The following LIMCH1 variants were observed in gnomAD, a reference collection of about 807,000 sequenced individuals.
The protein encoded by LIMCH1 is LIM and calponin homology domains 1.
LIMCH1 carries 113 observed loss-of-function variants against 176.5 expected under a neutral mutation model. The ratio of observed to expected loss-of-function variants is 0.64; its 90% CI spans 0.55 to 0.75. The LOEUF is 0.75. Among genes scored for constraint, LIMCH1 ranks in the 30% least tolerant of loss-of-function variants. LIMCH1 has a pLI of 0.00. For missense variants in LIMCH1, 1,674 were observed against 1,814.9 expected (o/e 0.92, Z 1.41); for synonymous variants, 619 against 645.9 (o/e 0.96, Z 0.63).
intron 1 of LIMCH1, among the ~76,000 whole-genome samples, chr4:41,432,015 C>T (rs1405507058): frequency 6.6e-6 from 1 of 152,190 alleles, no homozygotes; most frequent in Non-Finnish European, 1.5e-5. Flanking sequence ...ATGACTATTA[C>T]TTGCACATTG....
At chr4:41,579,327 A>G (rs1323899779) in intron 1 of LIMCH1, among the ~76,000 whole-genome samples, 2 of 152,178 alleles carry the variant, frequency 1.3e-5, no homozygotes, top group East Asian at 1.9e-4. Flanking sequence ...ACCACTTCTG[A>G]TCCTTACGCA....
At chr4:41,502,999 G>GTCTGTCCATCCATCCATCCATCCA (rs1554075692) in intron 2 of LIMCH1, among the ~76,000 whole-genome samples, 8 of 138,416 alleles carry the variant, frequency 5.8e-5, no homozygotes, top group African/African-American at 2.3e-4. Flanking sequence ...TGGTCTGTCT[G>GTCTGTCCATCCATCCATCCATCCA]TCCATCCATC....
intron 1 of LIMCH1, among the ~76,000 whole-genome samples, chr4:41,545,499 A>C (rs926374052): frequency 1.1e-4 from 17 of 152,316 alleles, no homozygotes; most frequent in African/African-American, 4.1e-4. Context: ...GCTTTGCTAG[A>C]AAATCACAGC....
intron 1 of LIMCH1, among the ~76,000 whole-genome samples, chr4:41,542,582 AT>A (rs1037580142): frequency 2.6e-5 from 4 of 152,186 alleles, no homozygotes; most frequent in African/African-American, 7.2e-5. Context: ...TTGTTTCTTG[AT>A]TTTTTTGCCT....
intron 1 of LIMCH1, among the ~76,000 whole-genome samples, chr4:41,411,483 A>G (rs926216652): frequency 1.3e-5 from 2 of 152,102 alleles, no homozygotes; most frequent in Admixed American, 6.5e-5. Context: ...AGCTGGGACT[A>G]TAGGTGCAGG....
At chr4:41,408,642 A>T (rs1345281870) in intron 1 of LIMCH1, among the ~76,000 whole-genome samples, 1 of 152,234 alleles carries the variant, frequency 6.6e-6, no homozygotes, top group African/African-American at 2.4e-5. Flanking sequence ...GGGAGGTGAC[A>T]AGAAATAGGA....
intron 23 of LIMCH1, 53 bp from the exon 24 acceptor site, chr4:41,679,953 C>G: frequency 8.1e-7 from 1 of 1,236,400 alleles, no homozygotes; most frequent in East Asian, 2.4e-5. Context: ...GGAAAATTCC[C>G]GATGACGTAT....
upstream of LIMCH1, among the ~76,000 whole-genome samples, chr4:41,360,028 T>G (rs1482134411): frequency 9.7e-5 from 8 of 82,314 alleles, no homozygotes; most frequent in South Asian, 4.7e-4. The surrounding 1 kb of genome is among the most constrained non-coding windows in gnomAD (Gnocchi z 4.5). Flanking sequence ...GTGTGTAGGG[T>G]GTGTGTGTGT....
rs544187573 is a variant in LIMCH1, at chr4:41,384,698, G to A, written c.96+23762G>A. The stretch of plus-strand genomic sequence containing the variant: ...AAGAAAGGGCTGAGCTTGATTTTGT[G>A]TTTTAAATATGCAAGGGAGAAGATG... On this transcript the variant is annotated intron_variant, in intron 1 of 26. Coordinates refer to the LIMCH1 transcript ENST00000313860. Among the ~76,000 whole-genome samples, 102 of 152,266 alleles carry A rather than the reference G, an allele frequency of 6.7e-4. No individual in the cohort carries two copies. The Middle Eastern group carries it at 0.01, about 15-fold the overall frequency.
chr4:41,599,004 A>G lies in LIMCH1; in HGVS notation c.-156A>G, dbSNP rs141075683. 2.4e-5 allele frequency: 39 copies of G among 1,609,234 alleles called. No individual in the cohort carries two copies. The African/African-American group carries it at 4.5e-4, about 19-fold the overall frequency. ...TTTTGACCCGAGTGACCTCCAGGAT[A>G]CATCCAACAGAGTAACAGTCAAGTA... is the stretch of plus-strand genomic sequence containing the variant. On this transcript the variant is annotated 5_prime_UTR_variant, in exon 2 of 32. The change creates a new upstream start codon in the 5' untranslated region. Transcript: ENST00000503057.
At chr4:41,542,599 T>C (rs531326694) in intron 1 of LIMCH1, among the ~76,000 whole-genome samples, 3 of 152,318 alleles carry the variant, frequency 2.0e-5, no homozygotes, top group African/African-American at 7.2e-5. Context: ...TGCCTTTAAA[T>C]AGGCTGTGCT....
At position 41,473,000 on chromosome 4, in the gene LIMCH1, G is replaced by C. The variant is rs1427926914; in HGVS notation, c.97-21536G>C. Reference sequence around the variant, plus strand: ...TAAGCCTTTTTTTTTTTTTCTCCTCGGTAGGCCAGAGAATAAATGCGAAGG... The same window carrying C: ...TAAGCCTTTTTTTTTTTTTCTCCTCCGTAGGCCAGAGAATAAATGCGAAGG... On this transcript the variant is annotated intron_variant, in intron 1 of 26. Transcript: ENST00000313860. 5.1e-6 allele frequency: 5 copies of C among 980,656 alleles called. No homozygotes were observed. The South Asian group carries it at 1.9e-4, about 37-fold the overall frequency. 60.7% of individuals were successfully genotyped at this position (980,656 alleles called of 1,614,324 possible). A position where few individuals can be genotyped will look rare whatever the true frequency, so the allele number is the denominator to read the frequency against.
At chr4:41,523,544 G>A (rs531808712) in intron 2 of LIMCH1, among the ~76,000 whole-genome samples, 46 of 152,206 alleles carry the variant, frequency 3.0e-4, no homozygotes, top group African/African-American at 1.1e-3. Flanking sequence ...CCTGATTCCC[G>A]AACGTGGAAA....
At chr4:41,437,370 T>C (rs2062189059) in intron 1 of LIMCH1, among the ~76,000 whole-genome samples, 1 of 152,260 alleles carries the variant, frequency 6.6e-6, no homozygotes, top group Non-Finnish European at 1.5e-5. Flanking sequence ...TTCCTGTTTT[T>C]AGCCAGCAGT....
At chr4:41,455,936 A>G (rs1396759357) in intron 1 of LIMCH1, among the ~76,000 whole-genome samples, 3 of 152,240 alleles carry the variant, frequency 2.0e-5, no homozygotes, top group South Asian at 2.1e-4. Context: ...TAAAATGACT[A>G]GTAAAATTAC....
chr4:41,446,336 A>G (rs1178333530), intron 1 of LIMCH1, among the ~76,000 whole-genome samples: 1 of 152,182 alleles, frequency 6.6e-6, no homozygotes, highest in Non-Finnish European at 1.5e-5. Flanking sequence ...CTCTGAGTCT[A>G]TTAGTGTCCG....
chr4:41,658,618 T>C (rs1287479773), intron 18 of LIMCH1, among the ~76,000 whole-genome samples: 1 of 152,202 alleles, frequency 6.6e-6, no homozygotes, highest in Non-Finnish European at 1.5e-5. Flanking sequence ...AGTGGCACAC[T>C]TTTCACATTT....
chr4:41,380,477 C>CTT (rs942969093), intron 1 of LIMCH1, among the ~76,000 whole-genome samples: 2 of 143,230 alleles, frequency 1.4e-5, no homozygotes, highest in Non-Finnish European at 1.5e-5. Context: ...TCTTTTCTTT[C>CTT]TTTTTTTTTT....
chr4:41,644,259 A>G (rs1460792854), intron 14 of LIMCH1, among the ~76,000 whole-genome samples: 1 of 152,228 alleles, frequency 6.6e-6, no homozygotes, highest in Admixed American at 6.5e-5. Context: ...ATTCAGTGAC[A>G]TCACTGAAGA....
Sources: gnomAD v4.1 joint callset for allele counts (sites outside exome capture counted in the v4.1 genomes callset) on GRCh38, gnomAD v4.1.1 for gene constraint, Gnocchi (gnomAD v3.1) non-coding constraint, MANE v1.5 for transcripts, NCBI Gene and HGNC (gene_info 2026-07-23, HGNC 2026-07-21) for gene names.